Variants in PSD3 observed in about 807,000 individuals in gnomAD.
PSD3 encodes the protein PH and SEC7 domain-containing protein 3.
Under a neutral mutation model 105.5 loss-of-function variants are expected in PSD3, and 49 were observed. The ratio of observed to expected loss-of-function variants is 0.46; its 90% CI spans 0.37 to 0.59. The LOEUF (loss-of-function observed/expected upper bound fraction) is 0.59, where lower values mean the gene tolerates loss of function less well. Ranked by LOEUF, PSD3 falls within the 20% of genes least tolerant of loss-of-function variation. The pLI, the probability that PSD3 is intolerant of heterozygous loss-of-function variation, is 0.00. For missense variants in PSD3, 1,561 were observed against 1,263.8 expected (o/e 1.24, Z -3.57); for synonymous variants, 557 against 457.8 (o/e 1.22, Z -2.77).
At position 18,685,329 on chromosome 8, in the gene PSD3, T is replaced by C. The variant is rs76881296; in HGVS notation, c.2173-29644A>G. 6.6e-3 allele frequency among the ~76,000 whole-genome samples: 1,010 copies of C among 152,296 alleles called. 12 individuals are homozygous for C. The highest frequency in any genetic ancestry group is 0.023 in the African/African-American group (971 of 41,572). On this transcript the variant is annotated intron_variant, in intron 9 of 15. Transcript: ENST00000327040. ...ATGTCAGGTAACTGTTTCCCTCTACTGTCAACAGGCCCAGCAGAGGGTGAT... is the reference window on the plus strand; with the variant it reads ...ATGTCAGGTAACTGTTTCCCTCTACCGTCAACAGGCCCAGCAGAGGGTGAT...
chr8:18,838,175 G>T (rs939325605), intron 4 of PSD3, among the ~76,000 whole-genome samples: 1 of 152,190 alleles, frequency 6.6e-6, no homozygotes, highest in East Asian at 1.9e-4. Context: ...ACAACCCTGA[G>T]TGGGACTTTT....
intron 9 of PSD3, chr8:18,763,154 T>C: frequency 2.4e-6 from 1 of 419,008 alleles, no homozygotes; most frequent in South Asian, 1.7e-5. Flanking sequence ...CAAATGTTAC[T>C]TTTGAACCAA....
intron 9 of PSD3, among the ~76,000 whole-genome samples, chr8:18,728,676 C>T (rs558021870): frequency 4.6e-5 from 7 of 152,268 alleles, no homozygotes; most frequent in African/African-American, 1.4e-4. Flanking sequence ...CCTTGAGTTA[C>T]GCTGCGTGAG....
chr8:18,859,594 A>T, intron 4 of PSD3, among the ~76,000 whole-genome samples: 1 of 152,224 alleles, frequency 6.6e-6, no homozygotes, highest in East Asian at 1.9e-4. Context: ...TAGCTTTATC[A>T]ATTATCCCAG....
chr8:18,889,448 C>T (rs1818648109), intron 2 of PSD3, among the ~76,000 whole-genome samples: 1 of 152,262 alleles, frequency 6.6e-6, no homozygotes, highest in Middle Eastern at 3.4e-3. Flanking sequence ...ATTCCCCCAT[C>T]CTAAATCACC....
chr8:18,916,039 T>C lies in PSD3; in HGVS notation c.130+19995A>G, dbSNP rs562407236. ...TGAACCCAGGAGGCGGAGGTTGCAG[T>C]GAGCGGAGATCGTGCCATTGCACTC... On this transcript the variant is annotated intron_variant, in intron 2 of 15. Transcript: ENST00000327040. Among the ~76,000 whole-genome samples the C allele has an allele frequency of 3.2e-3, 480 of 151,974 alleles. 4 individuals carry two copies. The highest frequency in any genetic ancestry group is 0.011 in the African/African-American group (471 of 41,444).
chr8:18,669,138 T>C (rs915830412), intron 9 of PSD3, among the ~76,000 whole-genome samples: 1 of 152,220 alleles, frequency 6.6e-6, no homozygotes, highest in Non-Finnish European at 1.5e-5. Flanking sequence ...TATTAGTCTA[T>C]TGTACAATGA....
At chr8:18,773,009 G>C (rs556540724) in intron 8 of PSD3, among the ~76,000 whole-genome samples, 26 of 152,136 alleles carry the variant, frequency 1.7e-4, no homozygotes, top group Admixed American at 3.9e-4. Context: ...TTGTTTTTAA[G>C]GCACAAACGT....
chr8:18,672,171 T>C (rs1015849625), intron 9 of PSD3, among the ~76,000 whole-genome samples: 9 of 151,988 alleles, frequency 5.9e-5, no homozygotes, highest in Admixed American at 1.3e-4. Context: ...TTTGAGAACA[T>C]AGGAAAACAT....
At chr8:18,985,036 C>A (rs368193587) in intron 1 of PSD3, among the ~76,000 whole-genome samples, 1 of 152,272 alleles carries the variant, frequency 6.6e-6, no homozygotes, top group South Asian at 2.1e-4. Flanking sequence ...CAGGTTCAAG[C>A]GATTCTCGTG....
chr8:18,638,399 C>T (rs866470929), intron 10 of PSD3, among the ~76,000 whole-genome samples: 3 of 150,928 alleles, frequency 2.0e-5, no homozygotes, highest in African/African-American at 7.3e-5. Flanking sequence ...GTAAAAACTA[C>T]CCCTCCCTGA....
At chr8:18,904,265 G>A (rs1819696305) in intron 2 of PSD3, among the ~76,000 whole-genome samples, 1 of 152,132 alleles carries the variant, frequency 6.6e-6, no homozygotes, top group Non-Finnish European at 1.5e-5. Flanking sequence ...TTACCTCAGG[G>A]AGGCACCAAG....
At chr8:18,752,546 TTATATATA>T (rs1718562991) in intron 9 of PSD3, among the ~76,000 whole-genome samples, 1 of 17,728 alleles carries the variant, frequency 5.6e-5, no homozygotes. Context: ...ATTATATATA[TTATATATA>T]ATTATATATA....
rs1178583498 is a variant in PSD3, at chr8:19,057,463, GT to G, written c.324+26742del. 2.0e-5 allele frequency among the ~76,000 whole-genome samples: 3 copies of G among 152,266 alleles called. No individual in the cohort carries two copies. In the East Asian group the frequency reaches 5.8e-4, roughly 29 times the overall value. ...CCACCACTCTGGTCACGCCTTCTGT[GT>G]TCTTTGCAAGATCCAGGACTTACAT... On this transcript the variant is annotated intron_variant, in intron 1 of 1. Coordinates refer to the PSD3 transcript ENST00000521475.
At chr8:19,021,527 A>T (rs535812229) in intron 1 of PSD3, among the ~76,000 whole-genome samples, 100 of 151,304 alleles carry the variant, frequency 6.6e-4, no homozygotes, top group Non-Finnish European at 1.3e-3. Flanking sequence ...GCTGACAGAA[A>T]TTGATTTATA....
chr8:18,655,519 T>C (rs2130852701), intron 10 of PSD3, 123 bp downstream of exon 10: 2 of 900,834 alleles, frequency 2.2e-6, no homozygotes, highest in Non-Finnish European at 3.6e-6. Context: ...GTAAGACACT[T>C]GGTGTAAAAT....
chr8:19,042,660 A>G (rs1563526392), intron 1 of PSD3, among the ~76,000 whole-genome samples: 1 of 152,366 alleles, frequency 6.6e-6, no homozygotes, highest in South Asian at 2.1e-4. Context: ...TCGCTGAAAT[A>G]CAACTGAATT....
intron 11 of PSD3, among the ~76,000 whole-genome samples, chr8:18,606,021 G>T (rs2717762): frequency 3.0e-4 from 45 of 152,144 alleles, no homozygotes; most frequent in Non-Finnish European, 1.3e-4. Flanking sequence ...CTTCAGATGA[G>T]TGTGAGAATG....
intron 14 of PSD3, among the ~76,000 whole-genome samples, chr8:18,565,993 A>T (rs546119894): frequency 1.3e-5 from 2 of 152,260 alleles, no homozygotes; most frequent in Admixed American, 1.3e-4. Flanking sequence ...GCGCTCGAAT[A>T]TGCCTGGGTT....
Sources: allele counts gnomAD v4.1 joint callset (sites outside exome capture counted in the v4.1 genomes callset), GRCh38; gene constraint gnomAD v4.1.1; transcripts MANE v1.5; gene names NCBI Gene and HGNC (gene_info 2026-07-23, HGNC 2026-07-21).